The following CNBD1 variants were observed in gnomAD, a reference collection of about 807,000 sequenced individuals.
CNBD1 encodes cyclic nucleotide-binding domain-containing protein 1.
In CNBD1, 71 loss-of-function variants were observed where a neutral mutation model predicts 54.4. That is an observed-to-expected ratio of 1.30 (90% CI 1.08 to 1.59). CNBD1 has a LOEUF of 1.59. Ranked by LOEUF, CNBD1 falls within the 40% of genes most tolerant of loss-of-function variation. CNBD1 has a pLI of 0.00. For missense variants in CNBD1, 659 were observed against 518.0 expected (o/e 1.27, Z -2.64); for synonymous variants, 182 against 170.7 (o/e 1.07, Z -0.51).
At chr8:86,960,853 G>T (rs575926049) in intron 4 of CNBD1, among the ~76,000 whole-genome samples, 5 of 152,272 alleles carry the variant, frequency 3.3e-5, no homozygotes, top group Non-Finnish European at 5.9e-5. Flanking sequence ...AGTCTCCGCT[G>T]GTGATACCCA....
chr8:87,075,883 A>G lies in CNBD1; in HGVS notation c.432-130110A>G, dbSNP rs114045568. On this transcript the variant is annotated intron_variant, in intron 4 of 10. Transcript: ENST00000518476. ...CCCCTGGGGTTTTGGTAAAATGTACATGGGAGTTTGGGAAATATTATTATC... is the reference window on the plus strand; with the variant it reads ...CCCCTGGGGTTTTGGTAAAATGTACGTGGGAGTTTGGGAAATATTATTATC... 2.7e-3 allele frequency among the ~76,000 whole-genome samples: 407 copies of G among 152,316 alleles called. 1 individual carries two copies. Among genetic ancestry groups the G allele is most frequent in the African/African-American group, 9.5e-3 (395 of 41,560 alleles).
At chr8:87,051,357 C>A (rs1307059743) in intron 4 of CNBD1, among the ~76,000 whole-genome samples, 2 of 152,124 alleles carry the variant, frequency 1.3e-5, no homozygotes, top group African/African-American at 4.8e-5. Flanking sequence ...GCAGTTTGAG[C>A]TTCTGGAGTC....
intron 4 of CNBD1, among the ~76,000 whole-genome samples, chr8:86,996,757 C>A (rs13282574): frequency 6.6e-6 from 1 of 152,074 alleles, no homozygotes. Flanking sequence ...CTACTTTAGC[C>A]CATTTGGGCT....
At chr8:87,265,044 C>T (rs1808221513) in intron 6 of CNBD1, among the ~76,000 whole-genome samples, 1 of 152,090 alleles carries the variant, frequency 6.6e-6, no homozygotes. Flanking sequence ...GTTGCCATTG[C>T]TTTTGGTATC....
intron 4 of CNBD1, among the ~76,000 whole-genome samples, chr8:87,092,369 ATGTATG>A (rs1317015576): frequency 2.1e-5 from 3 of 142,304 alleles, no homozygotes; most frequent in Non-Finnish European, 4.6e-5. Context: ...GTGTGTGTGT[ATGTATG>A]TGTGTGTGTG....
chr8:87,346,604 AGT>A (rs1019221528), intron 8 of CNBD1, among the ~76,000 whole-genome samples: 1 of 151,946 alleles, frequency 6.6e-6, no homozygotes, highest in Non-Finnish European at 1.5e-5. Context: ...AATGTATAAT[AGT>A]GTGTCTGCAT....
chr8:87,388,872 T>A (rs1811248872), intron 2 of CNBD1, among the ~76,000 whole-genome samples: 1 of 152,098 alleles, frequency 6.6e-6, no homozygotes, highest in South Asian at 2.1e-4. Flanking sequence ...GCAAACTGAA[T>A]CCAGCAGCAC....
chr8:86,984,121 C>T (rs1808550819), intron 4 of CNBD1, among the ~76,000 whole-genome samples: 1 of 152,154 alleles, frequency 6.6e-6, no homozygotes, highest in Non-Finnish European at 1.5e-5. Flanking sequence ...CCCAGCCTCT[C>T]CAGCCATGAC....
chr8:87,390,471 C>A (rs1043014709), intron 2 of CNBD1, among the ~76,000 whole-genome samples: 1 of 152,224 alleles, frequency 6.6e-6, no homozygotes, highest in South Asian at 2.1e-4. Flanking sequence ...ATTTATGCAG[C>A]CAAAAGAAAC....
chr8:87,221,224 A>G (rs1379139228), intron 5 of CNBD1, among the ~76,000 whole-genome samples: 4 of 152,114 alleles, frequency 2.6e-5, no homozygotes, highest in Admixed American at 6.6e-5. Context: ...TTCATTTTAA[A>G]AATTAGCACT....
At position 86,890,229 on chromosome 8, in the gene CNBD1, G is replaced by A. The variant is rs187851033; in HGVS notation, c.158+2618G>A. 7.9e-3 allele frequency among the ~76,000 whole-genome samples: 1,202 copies of A among 151,792 alleles called. 5 individuals are homozygous for A. Among genetic ancestry groups the A allele is most frequent in the Non-Finnish European group, 0.014 (942 of 67,882 alleles). Reference sequence around the variant, plus strand: ...TTTAATTGAATCTTTATACCCTTTCGTCAACATCTCCACATTCCTCCCCAG... The same window carrying A: ...TTTAATTGAATCTTTATACCCTTTCATCAACATCTCCACATTCCTCCCCAG... On this transcript the variant is annotated intron_variant, in intron 2 of 10. Coordinates refer to ENST00000518476, the MANE Select transcript of CNBD1 (RefSeq NM_173538.3).
At chr8:87,414,362 G>T (rs1030485638) in intron 2 of CNBD1, among the ~76,000 whole-genome samples, 1 of 152,074 alleles carries the variant, frequency 6.6e-6, no homozygotes, top group African/African-American at 2.4e-5. Flanking sequence ...TCACACTCCA[G>T]GGACTGTTGT....
chr8:86,974,483 A>G (rs1190447136), intron 4 of CNBD1, among the ~76,000 whole-genome samples: 1 of 152,092 alleles, frequency 6.6e-6, no homozygotes, highest in East Asian at 1.9e-4. Context: ...ATTATTCACA[A>G]TAGCATTGTT....
At chr8:87,376,620 G>A (rs1323857829) in intron 10 of CNBD1, among the ~76,000 whole-genome samples, 1 of 151,790 alleles carries the variant, frequency 6.6e-6, no homozygotes, top group Non-Finnish European at 1.5e-5. Context: ...TTCTATATTT[G>A]GGTACTTCCA....
chr8:87,366,835 G>A (rs988881741), intron 10 of CNBD1, among the ~76,000 whole-genome samples: 2 of 152,084 alleles, frequency 1.3e-5, no homozygotes, highest in Non-Finnish European at 2.9e-5. Flanking sequence ...AAATAAGAAA[G>A]GAAGTGAAAA....
intron 3 of CNBD1, among the ~76,000 whole-genome samples, chr8:86,918,279 C>T (rs1189418781): frequency 6.6e-6 from 1 of 152,132 alleles, no homozygotes; most frequent in Non-Finnish European, 1.5e-5. Context: ...ATACACTCTT[C>T]TTTTAGTGAA....
At chr8:87,356,532 A>G (rs1200559320) in intron 10 of CNBD1, among the ~76,000 whole-genome samples, 5 of 152,214 alleles carry the variant, frequency 3.3e-5, no homozygotes, top group African/African-American at 1.2e-4. Flanking sequence ...GACCTAGGGT[A>G]TCTGGTGGAA....
intron 3 of CNBD1, among the ~76,000 whole-genome samples, chr8:86,929,956 CAT>C (rs1477328265): frequency 6.6e-6 from 1 of 152,152 alleles, no homozygotes; most frequent in Non-Finnish European, 1.5e-5. Flanking sequence ...CTCTCTGTGA[CAT>C]ATAAAGAGAA....
chr8:87,415,822 C>T (rs1807825386), intron 2 of CNBD1, among the ~76,000 whole-genome samples: 1 of 151,170 alleles, frequency 6.6e-6, no homozygotes, highest in Non-Finnish European at 1.5e-5. Flanking sequence ...TAAAAAGATG[C>T]AAGTAAGACA....
Sources: gnomAD v4.1 joint callset for allele counts (sites outside exome capture counted in the v4.1 genomes callset) on GRCh38, gnomAD v4.1.1 for gene constraint, MANE v1.5 for transcripts, NCBI Gene and HGNC (gene_info 2026-07-23, HGNC 2026-07-21) for gene names.